Variants in NAV3 observed in about 807,000 individuals in gnomAD.
NAV3 encodes the protein neuron navigator 3.
Under a neutral mutation model 244.7 loss-of-function variants are expected in NAV3, and 87 were observed. That is an observed-to-expected ratio of 0.36 (90% confidence interval 0.30 to 0.42). NAV3 has a LOEUF of 0.42. NAV3 is among the 20% of genes least tolerant of loss of function. The probability of loss-of-function intolerance (pLI) is 1.00; values close to 1 mark genes in which losing one functional copy is unlikely to be tolerated. For synonymous variants in NAV3, 1,126 were observed against 1,042.2 expected (o/e 1.08, Z -1.55); for missense variants, 2,663 against 2,893.3 (o/e 0.92, Z 1.83).
At chr12:77,947,518 A>G (rs1421246993) in intron 3 of NAV3, 2 of 151,870 alleles carry the variant, frequency 1.3e-5, no homozygotes, top group African/African-American at 2.4e-5. Context: ...TATATATGGC[A>G]TACTGCAAAA....
chr12:77,951,704 T>C (rs1030391740), intron 3 of NAV3, among the ~76,000 whole-genome samples: 4 of 152,002 alleles, frequency 2.6e-5, no homozygotes, highest in Admixed American at 2.6e-4. Flanking sequence ...ATTAAGAAAA[T>C]GTGGCACATA....
At chr12:77,619,480 A>G (rs1010893671) in intron 2 of NAV3, among the ~76,000 whole-genome samples, 6 of 152,202 alleles carry the variant, frequency 3.9e-5, no homozygotes, top group African/African-American at 1.2e-4. Flanking sequence ...TAAATAAAAC[A>G]TATGTGTTAA....
chr12:77,958,776 C>G (rs912283823), intron 3 of NAV3, among the ~76,000 whole-genome samples: 5 of 152,046 alleles, frequency 3.3e-5, no homozygotes, highest in Non-Finnish European at 5.9e-5. Context: ...AGTAGGTGTT[C>G]CATGCCAATA....
At chr12:78,059,793 G>A (rs1292906058) in intron 12 of NAV3, among the ~76,000 whole-genome samples, 1 of 151,906 alleles carries the variant, frequency 6.6e-6, no homozygotes, top group East Asian at 1.9e-4. Flanking sequence ...GTTTCATTCA[G>A]TTCAGATATC....
intron 1 of NAV3, among the ~76,000 whole-genome samples, chr12:77,862,013 G>A (rs865806456): frequency 6.6e-6 from 1 of 151,636 alleles, no homozygotes; most frequent in Non-Finnish European, 1.5e-5. Flanking sequence ...ACACACACAT[G>A]AATATACTTT....
intron 12 of NAV3, among the ~76,000 whole-genome samples, chr12:78,095,066 C>T (rs12817348): frequency 0.1 from 5,105 of 48,836 alleles, 121 homozygotes; most frequent in Non-Finnish European, 0.16. Context: ...TATATATATA[C>T]ACACACACAC....
intron 3 of NAV3, among the ~76,000 whole-genome samples, chr12:77,952,519 T>G (rs543430913): frequency 6.6e-6 from 1 of 152,268 alleles, no homozygotes; most frequent in South Asian, 2.1e-4. Flanking sequence ...ACTTACTTCA[T>G]GTAGGTCATA....
intron 12 of NAV3, among the ~76,000 whole-genome samples, chr12:78,066,501 T>A (rs1214253507): frequency 6.6e-6 from 1 of 152,038 alleles, no homozygotes; most frequent in Admixed American, 6.6e-5. Context: ...AAGGCAAAGC[T>A]CCAGATACCA....
chr12:77,939,036 G>C lies in NAV3; in HGVS notation c.244-1283G>C, dbSNP rs577288438. Among the ~76,000 whole-genome samples, 36 of 151,456 alleles carry C rather than the reference G, an allele frequency of 2.4e-4. 1 individual carries two copies. Among genetic ancestry groups the C allele is most frequent in the Non-Finnish European group, 1.3e-4 (9 of 67,846 alleles). On this transcript the variant is annotated intron_variant, in intron 1 of 39. Coordinates refer to ENST00000397909, the MANE Select transcript of NAV3 (RefSeq NM_001024383.2). ...TCTTCATACCAAATTATTCAAAAAT[G>C]GACAGGGTTGAAAGTTGTGGGGAGA... is the stretch of plus-strand genomic sequence containing the variant.
At chr12:77,976,829 C>T (rs781411240) in intron 5 of NAV3, among the ~76,000 whole-genome samples, 23 of 151,746 alleles carry the variant, frequency 1.5e-4, no homozygotes, top group Non-Finnish European at 2.2e-4. Flanking sequence ...CAGGCACACG[C>T]CACCACATCT....
chr12:78,092,491 C>CT (rs71088358), intron 12 of NAV3, among the ~76,000 whole-genome samples: 6,486 of 63,916 alleles, frequency 0.1, 1,476 homozygotes, highest in Non-Finnish European at 0.14. Flanking sequence ...TAGTTATTTT[C>CT]TTTTTTTTTT....
chr12:77,610,307 G>A (rs1235868561), intron 2 of NAV3, among the ~76,000 whole-genome samples: 3 of 151,990 alleles, frequency 2.0e-5, no homozygotes, highest in African/African-American at 7.2e-5. Context: ...TTCCTGCCGT[G>A]TCTCTGATAT....
chr12:77,579,852 C>T (rs971972131), intron 2 of NAV3, among the ~76,000 whole-genome samples: 1 of 152,208 alleles, frequency 6.6e-6, no homozygotes, highest in African/African-American at 2.4e-5. Flanking sequence ...TCGAATCCGA[C>T]ACTTTGTCAA....
At chr12:78,117,186 T>TA (rs1555292825) in intron 13 of NAV3, among the ~76,000 whole-genome samples, 2 of 135,996 alleles carry the variant, frequency 1.5e-5, no homozygotes, top group Non-Finnish European at 3.1e-5. Context: ...TATATATATA[T>TA]ATATATATAT....
At chr12:77,998,288 C>G in intron 6 of NAV3, 49 bp from the exon 7 acceptor site, 1 of 1,385,166 alleles carries the variant, frequency 7.2e-7, no homozygotes, top group East Asian at 2.6e-5. Flanking sequence ...CTGCTTCTTA[C>G]CTTTTTGTAA....
At chr12:77,834,543 T>C (rs1001180468) in intron 1 of NAV3, among the ~76,000 whole-genome samples, 1 of 152,224 alleles carries the variant, frequency 6.6e-6, no homozygotes, top group African/African-American at 2.4e-5. Flanking sequence ...ATGGCAAGAA[T>C]AGAGAGAGAC....
intron 1 of NAV3, among the ~76,000 whole-genome samples, chr12:77,917,322 T>A (rs2137120114): frequency 6.6e-6 from 1 of 152,108 alleles, no homozygotes; most frequent in East Asian, 1.9e-4. Flanking sequence ...GCAGCCTAAG[T>A]AAGCTGTCTC....
At chr12:77,742,709 TATTAA>T (rs1057087788) in intron 2 of NAV3, among the ~76,000 whole-genome samples, 4 of 152,018 alleles carry the variant, frequency 2.6e-5, no homozygotes, top group Admixed American at 1.3e-4. Context: ...AAAGATGCAG[TATTAA>T]ATTAAAACTG....
At chr12:77,682,394 G>C (rs1252801636) in intron 2 of NAV3, among the ~76,000 whole-genome samples, 1 of 151,954 alleles carries the variant, frequency 6.6e-6, no homozygotes, top group Non-Finnish European at 1.5e-5. Context: ...TTCTTTATTT[G>C]TTTATATGTT....
Sources: allele counts gnomAD v4.1 joint callset (sites outside exome capture counted in the v4.1 genomes callset), GRCh38; gene constraint gnomAD v4.1.1; transcripts MANE v1.5; gene names NCBI Gene and HGNC (gene_info 2026-07-23, HGNC 2026-07-21).